Variants in NPL observed in about 807,000 individuals in gnomAD.
The protein encoded by NPL is N-acetylneuraminate pyruvate lyase.
In NPL, 32 loss-of-function variants were observed where a neutral mutation model predicts 41.1. The ratio of observed to expected loss-of-function variants is 0.78; its 90% CI spans 0.59 to 1.05. The LOEUF is 1.05. Among genes scored for constraint, NPL ranks in the 50% least tolerant of loss-of-function variants. The pLI, the probability that NPL is intolerant of heterozygous loss-of-function variation, is 0.00. For synonymous variants in NPL, 128 were observed against 134.9 expected, an observed-to-expected ratio of 0.95 and a Z score of 0.35; for missense variants, 321 against 378.4, an observed-to-expected ratio of 0.85 and a Z score of 1.26.
chr1:182,809,690 C>G (rs1247890334), intron 5 of NPL, among the ~76,000 whole-genome samples: 1 of 152,010 alleles, frequency 6.6e-6, no homozygotes, highest in African/African-American at 2.4e-5. Flanking sequence ...CTGCCCAGAA[C>G]AAGGAGTTGG....
chr1:182,802,139 C>G (rs1666864772), intron 3 of NPL, among the ~76,000 whole-genome samples: 1 of 152,234 alleles, frequency 6.6e-6, no homozygotes, highest in Non-Finnish European at 1.5e-5. Flanking sequence ...CACTCCTTTG[C>G]CCAGCCTTTG....
chr1:182,811,399 T>C (rs1667172024), intron 5 of NPL, among the ~76,000 whole-genome samples: 1 of 152,014 alleles, frequency 6.6e-6, no homozygotes, highest in Admixed American at 6.6e-5. Flanking sequence ...GGCTAATTTT[T>C]TGTATTTTGG....
In NPL at chr1:182,829,755, C is replaced by A; in HGVS notation, c.*847C>A. On this transcript the variant is annotated 3_prime_UTR_variant, in exon 13 of 13. Coordinates refer to ENST00000367553, the MANE Select transcript of NPL (RefSeq NM_030769.3). ...TTCCTTTCTGCAGTGAGCCCAGGGG[C>A]TAATGTTATTATCCTGTCACACTTG... 1.1e-6 allele frequency: 1 copy of A among 903,656 alleles called. No individual in the cohort carries two copies. Among genetic ancestry groups the A allele is most frequent in the Non-Finnish European group, 1.8e-6 (1 of 567,014 alleles). 56.0% of individuals were successfully genotyped at this position (903,656 alleles called of 1,614,324 possible). A position where few individuals can be genotyped will look rare whatever the true frequency, so the allele number is the denominator to read the frequency against.
intron 3 of NPL, among the ~76,000 whole-genome samples, chr1:182,801,095 T>C (rs1666834618): frequency 6.6e-6 from 1 of 152,168 alleles, no homozygotes; most frequent in African/African-American, 2.4e-5. Context: ...AAATACAATA[T>C]CGTCAAAGTC....
chr1:182,822,334 G>T, intron 11 of NPL, 135 bp downstream of exon 11: 1 of 711,584 alleles, frequency 1.4e-6, no homozygotes, highest in South Asian at 1.6e-5. Context: ...CTTCTGTTTT[G>T]TACTTTTTCT....
At position 182,806,453 on chromosome 1, in the gene NPL, C is replaced by A; in HGVS notation, c.230+221C>A. On this transcript the variant is annotated intron_variant, in intron 5 of 12. Coordinates refer to ENST00000367553, the MANE Select transcript of NPL (RefSeq NM_030769.3). ...CAAACTGCTAGACACACCTGCCACC[C>A]AGAGGTTCCGCTGGGAAACTGCTTC... is the stretch of plus-strand genomic sequence containing the variant. 3.3e-6 allele frequency: 5 copies of A among 1,536,604 alleles called. 1 individual carries two copies. The highest frequency in any genetic ancestry group is 3.3e-4 in the Middle Eastern group (2 of 5,990).
At chr1:182,806,601 C>T (rs1571436296) in intron 5 of NPL, 1 of 1,497,264 alleles carries the variant, frequency 6.7e-7, no homozygotes, top group East Asian at 2.5e-5. Flanking sequence ...CACACCCCTT[C>T]CCTTCTTGGG....
Position 182,829,393 on chromosome 1 carries a change from A to G in NPL, c.*485A>G. ...ACATGTCTCAACTGTATACAACTCA[A>G]AATACACCAGCTCATTTGGCTGCTC... On this transcript the variant is annotated 3_prime_UTR_variant, in exon 13 of 13. Coordinates refer to ENST00000367553, the MANE Select transcript of NPL (RefSeq NM_030769.3). 1 of 1,368,578 alleles carries G rather than the reference A, an allele frequency of 7.3e-7. No individual in the cohort carries two copies. The highest frequency in any genetic ancestry group is 9.5e-7 in the Non-Finnish European group (1 of 1,058,168). The allele number at this position is 1,368,578 out of a possible 1,614,324, so 84.8% of individuals were successfully genotyped here. A position where few individuals can be genotyped will look rare whatever the true frequency, so the allele number is the denominator to read the frequency against.
Position 182,829,242 on chromosome 1 carries a change from A to G in NPL, c.*334A>G. 8 of 1,199,260 alleles carry G rather than the reference A, an allele frequency of 6.7e-6. No individual in the cohort carries two copies. The highest frequency in any genetic ancestry group is 8.3e-6 in the Non-Finnish European group (8 of 963,320). 74.3% of individuals were successfully genotyped at this position (1,199,260 alleles called of 1,614,324 possible). On this transcript the variant is annotated 3_prime_UTR_variant, in exon 13 of 13. Coordinates refer to ENST00000367553, the MANE Select transcript of NPL (RefSeq NM_030769.3). Reference sequence around the variant, plus strand: ...TCATTATCTCGGTCTCTGGTTCCTAATCCTATTTTAAAGTTGTCTAATTTT... The same window carrying G: ...TCATTATCTCGGTCTCTGGTTCCTAGTCCTATTTTAAAGTTGTCTAATTTT...
intron 4 of NPL, among the ~76,000 whole-genome samples, chr1:182,804,877 G>T (rs904090851): frequency 6.6e-6 from 1 of 152,188 alleles, no homozygotes; most frequent in African/African-American, 2.4e-5. Flanking sequence ...GGAGAAGGCA[G>T]ATTCTTACTC....
At chr1:182,802,843 A>G (rs912605453) in intron 3 of NPL, among the ~76,000 whole-genome samples, 2 of 152,228 alleles carry the variant, frequency 1.3e-5, no homozygotes, top group African/African-American at 4.8e-5. Context: ...TGCCAAGTGC[A>G]TGCAGATCAC....
intron 5 of NPL, among the ~76,000 whole-genome samples, chr1:182,807,750 G>A (rs1328617528): frequency 1.3e-5 from 2 of 150,404 alleles, no homozygotes; most frequent in Non-Finnish European, 3.0e-5. Context: ...AATTAGCCAG[G>A]CATGGTGGCG....
Position 182,828,827 on chromosome 1 carries a change from T to G in NPL, c.882T>G (p.Asp294Glu). The change falls in exon 13 of 13, where the codon GAT (aspartate) becomes GAG (glutamate). Residue 294 changes from aspartate (D) to glutamate (E), a missense_variant. Physicochemically the swap from Asp to Glu is conservative, Grantham distance 45. Coordinates refer to ENST00000367553, the MANE Select transcript of NPL (RefSeq NM_030769.3). The surrounding 1 kb of genome is among the most constrained non-coding windows in gnomAD (Gnocchi z 4.0). ...AGAAAGCCTCCAGGGAGTTTACTGA[T>G]AGTGCTGAAGCTAAACTGAAGAGCC... ...PLQKASREFT[D>E]SAEAKLKSLD... 6.2e-7 allele frequency: 1 copy of G among 1,614,214 alleles called. No individual in the cohort carries two copies. Among genetic ancestry groups the G allele is most frequent in the Non-Finnish European group, 8.5e-7 (1 of 1,180,036 alleles).
intron 5 of NPL, among the ~76,000 whole-genome samples, chr1:182,808,198 G>A (rs1395827848): frequency 6.6e-6 from 1 of 152,186 alleles, no homozygotes; most frequent in African/African-American, 2.4e-5. Flanking sequence ...TTAGAAAAGT[G>A]CCTGGCAGGC....
chr1:182,825,634 C>T, intron 11 of NPL, 147 bp from the exon 12 acceptor site: 1 of 662,744 alleles, frequency 1.5e-6, no homozygotes, highest in Non-Finnish European at 2.7e-6. Context: ...CAGCCATCTT[C>T]ACTTGGCTAT....
chr1:182,825,916 T>G, intron 12 of NPL, 96 bp downstream of exon 12: 2 of 926,728 alleles, frequency 2.2e-6, no homozygotes, highest in Non-Finnish European at 3.6e-6. Flanking sequence ...AGAACACTTT[T>G]TAATGGTCTG....
intron 5 of NPL, 170 bp downstream of exon 5, chr1:182,806,402 C>G: frequency 6.5e-7 from 1 of 1,541,778 alleles, no homozygotes; most frequent in Non-Finnish European, 8.7e-7. Context: ...AGAAGAGCCC[C>G]CTCCCTTTCT....
intron 1 of NPL, 151 bp from the exon 2 acceptor site, chr1:182,792,081 A>G (rs1557938010): frequency 6.6e-6 from 1 of 152,238 alleles, no homozygotes; most frequent in South Asian, 2.1e-4. Flanking sequence ...AGTATTTTCT[A>G]CTGTCCTATA....
chr1:182,818,997 A>T, intron 10 of NPL, 138 bp downstream of exon 10: 1 of 807,374 alleles, frequency 1.2e-6, no homozygotes, highest in Non-Finnish European at 2.2e-6. Context: ...AGTGAAAGGG[A>T]ATTAAATACT....
Sources: gnomAD v4.1 joint callset for allele counts (sites outside exome capture counted in the v4.1 genomes callset) on GRCh38, gnomAD v4.1.1 for gene constraint, Gnocchi (gnomAD v3.1) non-coding constraint, MANE v1.5 for transcripts, NCBI Gene and HGNC (gene_info 2026-07-23, HGNC 2026-07-21) for gene names.